MRE11: variants seen among roughly 807,000 people sequenced by gnomAD.
The protein encoded by MRE11 is double-strand break repair protein MRE11.
A neutral mutation model predicts 91.7 loss-of-function variants in MRE11; 62 were observed. The observed-to-expected ratio is 0.68, with a 90% CI of 0.55 to 0.84. The LOEUF (loss-of-function observed/expected upper bound fraction) is 0.84. MRE11 is among the 40% of genes least tolerant of loss of function. The pLI, the probability that MRE11 is intolerant of heterozygous loss-of-function variation, is 0.00. For missense variants in MRE11, 796 were observed against 852.9 expected (o/e 0.93, Z 0.83); for synonymous variants, 273 against 271.4 (o/e 1.01, Z -0.06).
chr11:94,464,006 A>G (rs1463543088), intron 11 of MRE11, 107 bp downstream of exon 11: 1 of 1,243,190 alleles, frequency 8.0e-7, no homozygotes, highest in African/African-American at 1.5e-5. Context: ...TTAAGACATT[A>G]CAATCATATT....
At chr11:94,475,851 T>C (rs1946839642) in intron 7 of MRE11, among the ~76,000 whole-genome samples, 2 of 152,174 alleles carry the variant, frequency 1.3e-5, no homozygotes, top group Admixed American at 6.5e-5. Context: ...TGGATCTCAG[T>C]AATGTAATGC....
upstream of MRE11, chr11:94,496,783 G>A: frequency 6.2e-7 from 1 of 1,613,894 alleles, no homozygotes; most frequent in Non-Finnish European, 8.5e-7. Context: ...TTGAATTGTT[G>A]GAAACACATG....
rs774144789 is a variant in MRE11 at position 94,471,642 on chromosome 11, C to T, written c.777G>A (p.Gln259=). ...TTCCAGGTTGTGAGATATAAAACAG[C>T]TGTTGTTCATTTTTGGTTGGAGCTA... ...CKIAPTKNEQ[Q]LFYISQPGSS... The change falls in exon 8 of 20, where the codon CAG becomes CAA. Residue 259 remains glutamine (Q), a synonymous_variant. Transcript: ENST00000323929. 7.4e-5 allele frequency: 119 copies of T among 1,612,750 alleles called. No individual in the cohort carries two copies. The highest frequency in any genetic ancestry group is 1.6e-4 in the Middle Eastern group (1 of 6,072).
intron 6 of MRE11, among the ~76,000 whole-genome samples, chr11:94,477,157 G>A (rs1946883650): frequency 6.6e-6 from 1 of 152,142 alleles, no homozygotes; most frequent in Non-Finnish European, 1.5e-5. Flanking sequence ...AAAACTTCTA[G>A]TAATACTATT....
At chr11:94,421,013 C>T (rs1030999688) in intron 19 of MRE11, among the ~76,000 whole-genome samples, 5 of 148,832 alleles carry the variant, frequency 3.4e-5, no homozygotes, top group Non-Finnish European at 5.9e-5. Context: ...GCCTCGGCGA[C>T]AGAGCGAGAG....
chr11:94,498,405 G>A (rs367758315), upstream of MRE11: 10 of 1,613,348 alleles, frequency 6.2e-6, no homozygotes, highest in Non-Finnish European at 8.5e-6. Flanking sequence ...CTGATGAACC[G>A]TTACGTCAAA....
At chr11:94,441,939 C>T (rs1591648196) in intron 16 of MRE11, among the ~76,000 whole-genome samples, 2 of 138,066 alleles carry the variant, frequency 1.4e-5, no homozygotes, top group East Asian at 4.2e-4. Flanking sequence ...GATGATGCCA[C>T]TGCATTCCAG....
At chr11:94,490,301 A>G (rs1403590661) in intron 3 of MRE11, among the ~76,000 whole-genome samples, 1 of 152,144 alleles carries the variant, frequency 6.6e-6, no homozygotes, top group Non-Finnish European at 1.5e-5. Flanking sequence ...CTTCACATGG[A>G]TGTACATTCT....
intron 12 of MRE11, 34 bp from the exon 13 acceptor site, chr11:94,459,615 T>A (rs1367452380): frequency 6.3e-7 from 1 of 1,597,216 alleles, no homozygotes; most frequent in Non-Finnish European, 8.6e-7. Flanking sequence ...GCAGAAATAG[T>A]TTTTATTCCT....
At chr11:94,440,512 A>G (rs1245749831) in intron 16 of MRE11, among the ~76,000 whole-genome samples, 1 of 152,210 alleles carries the variant, frequency 6.6e-6, no homozygotes, top group African/African-American at 2.4e-5. Context: ...AAGAAAAGCT[A>G]GAACTCAGAG....
Position 94,478,880 on chromosome 11 carries a change from T to C in MRE11, c.403-4A>G. 3 of 1,613,588 alleles carry C rather than the reference T, an allele frequency of 1.9e-6. No homozygotes were observed. The highest frequency in any genetic ancestry group is 2.5e-6 in the Non-Finnish European group (3 of 1,179,802). ...CCAAGGCACAAAGTGCATCTGCCTA[T>C]GCAAAATAATTTCAAAGAATGTTAG... is the stretch of plus-strand genomic sequence containing the variant. On this transcript the variant is annotated splice_polypyrimidine_tract_variant and splice_region_variant and intron_variant, in intron 5 of 19. Transcript: ENST00000323929.
chr11:94,465,218 T>A (rs1946530018), intron 10 of MRE11, among the ~76,000 whole-genome samples: 1 of 152,196 alleles, frequency 6.6e-6, no homozygotes, highest in African/African-American at 2.4e-5. Flanking sequence ...ATGAATGAAT[T>A]CGTAATTTAC....
At chr11:94,477,753 A>T (rs1946902798) in intron 6 of MRE11, among the ~76,000 whole-genome samples, 1 of 151,188 alleles carries the variant, frequency 6.6e-6, no homozygotes, top group Non-Finnish European at 1.5e-5. Flanking sequence ...GTAGGTAAAA[A>T]GTCTGAGAGA....
intron 4 of MRE11, among the ~76,000 whole-genome samples, chr11:94,481,734 T>C (rs965395714): frequency 1.3e-5 from 2 of 152,226 alleles, no homozygotes; most frequent in Non-Finnish European, 2.9e-5. Flanking sequence ...AGAGTTTCTA[T>C]TCTCTTTCAC....
At chr11:94,420,314 T>A in intron 19 of MRE11, 133 bp from the exon 20 acceptor site, 1 of 658,514 alleles carries the variant, frequency 1.5e-6, no homozygotes, top group Non-Finnish European at 2.7e-6. Flanking sequence ...CTATTTCCTT[T>A]ATAACTGCAA....
At chr11:94,433,551 T>A (rs1224638978) in intron 18 of MRE11, among the ~76,000 whole-genome samples, 13 of 152,208 alleles carry the variant, frequency 8.5e-5, no homozygotes, top group African/African-American at 3.1e-4. Flanking sequence ...TCGTAACTCC[T>A]AAGTATTCTG....
chr11:94,475,794 T>C (rs13447625), intron 7 of MRE11, among the ~76,000 whole-genome samples: 1 of 152,164 alleles, frequency 6.6e-6, no homozygotes, highest in Admixed American at 6.5e-5. Context: ...AGGCAAAGCA[T>C]AACTGTACAC....
rs587782048 is a variant in MRE11, at chr11:94,429,905, AT to A, written c.2070+5del. 34 of 1,608,354 alleles carry A rather than the reference AT, an allele frequency of 2.1e-5. No homozygotes were observed. The highest frequency in any genetic ancestry group is 2.8e-5 in the Non-Finnish European group (33 of 1,176,476). Reference sequence around the variant, plus strand: ...TAATTAAAATTTAACAATATTACTTATTTACCTCACTTGATTCAAAATCAAC... The same window carrying A: ...TAATTAAAATTTAACAATATTACTTATTACCTCACTTGATTCAAAATCAAC... On this transcript the variant is annotated splice_donor_5th_base_variant and intron_variant, in intron 19 of 19. Coordinates refer to ENST00000323929, the MANE Select transcript of MRE11 (RefSeq NM_005591.4).
chr11:94,421,441 G>C (rs559074769), intron 19 of MRE11, among the ~76,000 whole-genome samples: 1 of 152,138 alleles, frequency 6.6e-6, no homozygotes, highest in Non-Finnish European at 1.5e-5. Flanking sequence ...ATAAACCAGA[G>C]ACAAATCCAA....
Sources: gnomAD v4.1 joint callset for allele counts (sites outside exome capture counted in the v4.1 genomes callset) on GRCh38, gnomAD v4.1.1 for gene constraint, MANE v1.5 for transcripts, NCBI Gene and HGNC (gene_info 2026-07-23, HGNC 2026-07-21) for gene names.